KIAA0825: variants seen among roughly 807,000 people sequenced by gnomAD.
The protein encoded by KIAA0825 is uncharacterized protein KIAA0825.
A neutral mutation model predicts 147.6 loss-of-function variants in KIAA0825; 119 were observed. That is an observed-to-expected ratio of 0.81 (90% CI 0.69 to 0.94). The LOEUF (loss-of-function observed/expected upper bound fraction) is 0.94. Ranked by LOEUF, KIAA0825 falls within the 40% of genes least tolerant of loss-of-function variation. The probability of loss-of-function intolerance (pLI) is 0.00; values close to 1 mark genes in which losing one functional copy is unlikely to be tolerated. For synonymous variants in KIAA0825, 470 were observed against 518.1 expected (o/e 0.91, Z 1.26); for missense variants, 1,381 against 1,472.7 (o/e 0.94, Z 1.02).
intron 5 of KIAA0825, among the ~76,000 whole-genome samples, chr5:94,516,237 G>T (rs1253247589): frequency 6.6e-6 from 1 of 152,170 alleles, no homozygotes; most frequent in Non-Finnish European, 1.5e-5. Context: ...TGGAAAACCT[G>T]AATTAGTGGC....
At chr5:94,333,231 T>G (rs746349210) in intron 20 of KIAA0825, among the ~76,000 whole-genome samples, 1 of 152,200 alleles carries the variant, frequency 6.6e-6, no homozygotes, top group Non-Finnish European at 1.5e-5. Context: ...TTTAGTTTAA[T>G]TAGATCCCAT....
chr5:94,225,765 G>T (rs1015081957), intron 20 of KIAA0825, among the ~76,000 whole-genome samples: 1 of 152,136 alleles, frequency 6.6e-6, no homozygotes. Flanking sequence ...GTAGCTGCCT[G>T]AACTAACTAA....
chr5:94,328,868 TA>T (rs1204780345), intron 20 of KIAA0825, among the ~76,000 whole-genome samples: 4 of 152,124 alleles, frequency 2.6e-5, no homozygotes, highest in African/African-American at 9.6e-5. Flanking sequence ...TCCTCCTGTT[TA>T]AAATTAGTTA....
chr5:94,521,508 C>T (rs1026729386), intron 4 of KIAA0825, among the ~76,000 whole-genome samples: 5 of 151,428 alleles, frequency 3.3e-5, no homozygotes, highest in African/African-American at 1.2e-4. Context: ...ATTTAAATTC[C>T]TTTTTGAGAA....
chr5:94,466,736 C>CAAAAAAAAA (rs56785201), intron 10 of KIAA0825, among the ~76,000 whole-genome samples: 1 of 61,372 alleles, frequency 1.6e-5, no homozygotes, highest in Non-Finnish European at 3.0e-5. Context: ...GACTGTGTCT[C>CAAAAAAAAA]AAAAAAAAAA....
chr5:94,501,495 T>C lies in KIAA0825; in HGVS notation c.971-16565A>G, dbSNP rs536839110. On this transcript the variant is annotated intron_variant, in intron 5 of 20. Transcript: ENST00000682413. Reference sequence around the variant, plus strand: ...CAAAGCTGGAATACAAAGACAAGTCTGACTCCAAAGCTCCTAATAGCTACA... The same window carrying C: ...CAAAGCTGGAATACAAAGACAAGTCCGACTCCAAAGCTCCTAATAGCTACA... Among the ~76,000 whole-genome samples, 19 of 152,334 alleles carry C rather than the reference T, an allele frequency of 1.2e-4. No homozygotes were observed. The East Asian group carries it at 2.5e-3, about 20-fold the overall frequency.
At position 94,386,349 on chromosome 5, in the gene KIAA0825, G is replaced by C; in HGVS notation, c.3512C>G (p.Pro1171Arg). 6.4e-7 allele frequency: 1 copy of C among 1,551,530 alleles called. No individual in the cohort carries two copies. The highest frequency in any genetic ancestry group is 8.7e-7 in the Non-Finnish European group (1 of 1,146,802). Reference sequence around the variant, plus strand: ...CAAGGTCGTCTTTAAAGGTCGGATGGGTAATGGCTTTTCCTCTGAACTATT... The same window carrying C: ...CAAGGTCGTCTTTAAAGGTCGGATGCGTAATGGCTTTTCCTCTGAACTATT... ...SMNSSEEKPL[P>R]IRPLKTTLRS... Residue 1171 changes from proline to arginine, a missense_variant, in exon 19 of 21, where the codon CCC (proline) becomes CGC (arginine). By Grantham distance (103) the Pro-to-Arg change is moderately radical (BLOSUM62 -2). Coordinates refer to ENST00000682413, the MANE Select transcript of KIAA0825 (RefSeq NM_001145678.3).
chr5:94,198,333 A>T lies in KIAA0825; in HGVS notation c.3711-44209T>A, dbSNP rs149840693. Among the ~76,000 whole-genome samples, 771 of 152,208 alleles carry T rather than the reference A, an allele frequency of 5.1e-3. 6 individuals are homozygous for T. The highest frequency in any genetic ancestry group is 0.017 in the African/African-American group (721 of 41,526). ...TGTATCCTGAATCTTTACTGAAGTTATCAGTTCTAAGAGCCTTTGGGCAGA... is the reference window on the plus strand; with the variant it reads ...TGTATCCTGAATCTTTACTGAAGTTTTCAGTTCTAAGAGCCTTTGGGCAGA... On this transcript the variant is annotated intron_variant, in intron 20 of 20. Transcript: ENST00000682413.
chr5:94,168,052 C>A (rs1317875836), intron 20 of KIAA0825, among the ~76,000 whole-genome samples: 1 of 149,374 alleles, frequency 6.7e-6, no homozygotes, highest in Non-Finnish European at 1.5e-5. Context: ...TATAGAAATA[C>A]ATAGAAATAA....
At chr5:94,308,227 C>T (rs1778871485) in intron 20 of KIAA0825, among the ~76,000 whole-genome samples, 1 of 151,804 alleles carries the variant, frequency 6.6e-6, no homozygotes, top group East Asian at 1.9e-4. Flanking sequence ...ACCTCTGGTA[C>T]TGTGGGGGCA....
intron 2 of KIAA0825, among the ~76,000 whole-genome samples, chr5:94,580,040 C>A (rs1388080545): frequency 6.6e-6 from 1 of 151,910 alleles, no homozygotes; most frequent in Non-Finnish European, 1.5e-5. Context: ...ATCAGAGAAG[C>A]CAATGTGTAG....
At chr5:94,558,916 A>G (rs1777058404) in intron 2 of KIAA0825, among the ~76,000 whole-genome samples, 1 of 152,228 alleles carries the variant, frequency 6.6e-6, no homozygotes, top group African/African-American at 2.4e-5. Context: ...ATCTTGCTAA[A>G]TTCCACCAAT....
chr5:94,471,273 T>C lies in KIAA0825; in HGVS notation c.1721+193A>G, dbSNP rs76838500. Among the ~76,000 whole-genome samples the C allele has an allele frequency of 8.1e-3, 1,233 of 152,234 alleles. 59 individuals are homozygous for C. In the East Asian group the frequency reaches 0.098, roughly 12 times the overall value. On this transcript the variant is annotated intron_variant, in intron 9 of 20. Coordinates refer to ENST00000682413, the MANE Select transcript of KIAA0825 (RefSeq NM_001145678.3). ...TTAGAGATAGTACTATCTTACTATC[T>C]ATGTATCTAGTTTAATATATCCCAT...
intron 20 of KIAA0825, among the ~76,000 whole-genome samples, chr5:94,374,448 C>T (rs1274558629): frequency 6.6e-6 from 1 of 152,198 alleles, no homozygotes; most frequent in Non-Finnish European, 1.5e-5. Context: ...GAATTACTCT[C>T]TCTGTCTTTG....
intron 20 of KIAA0825, among the ~76,000 whole-genome samples, chr5:94,184,723 A>C (rs1215518746): frequency 6.6e-6 from 1 of 152,320 alleles, no homozygotes; most frequent in East Asian, 1.9e-4. Context: ...ATATACACAC[A>C]CATACACAAG....
intron 3 of KIAA0825, among the ~76,000 whole-genome samples, chr5:94,532,870 C>T (rs1771111265): frequency 6.7e-6 from 1 of 150,178 alleles, no homozygotes; most frequent in African/African-American, 2.4e-5. Context: ...ACCAGCAAAA[C>T]TTACTTCCTA....
chr5:94,493,240 C>T (rs1331021324), intron 5 of KIAA0825, among the ~76,000 whole-genome samples: 1 of 152,180 alleles, frequency 6.6e-6, no homozygotes, highest in Non-Finnish European at 1.5e-5. Flanking sequence ...CTCAGAAATT[C>T]ATCACTCTTC....
chr5:94,232,587 G>A (rs1774782976), intron 20 of KIAA0825, among the ~76,000 whole-genome samples: 1 of 151,952 alleles, frequency 6.6e-6, no homozygotes, highest in East Asian at 1.9e-4. Flanking sequence ...TTGTTTTTCA[G>A]GTTTTATATG....
intron 20 of KIAA0825, among the ~76,000 whole-genome samples, chr5:94,193,465 G>A (rs1405762961): frequency 6.6e-6 from 1 of 152,188 alleles, no homozygotes; most frequent in Non-Finnish European, 1.5e-5. Context: ...ATTCAGCCAA[G>A]GTTACACAGC....
Sources: gnomAD v4.1 joint callset for allele counts (sites outside exome capture counted in the v4.1 genomes callset) on GRCh38, gnomAD v4.1.1 for gene constraint, MANE v1.5 for transcripts, NCBI Gene and HGNC (gene_info 2026-07-23, HGNC 2026-07-21) for gene names.